Variants in SCAPER observed in about 807,000 individuals in gnomAD.
SCAPER encodes S phase cyclin A-associated protein in the endoplasmic reticulum.
A neutral mutation model predicts 182.2 loss-of-function variants in SCAPER; 98 were observed. The observed-to-expected ratio is 0.54, with a 90% CI of 0.46 to 0.64. The LOEUF (loss-of-function observed/expected upper bound fraction) is 0.64, where lower values mean the gene tolerates loss of function less well. SCAPER is among the 30% of genes least tolerant of loss of function. SCAPER has a pLI of 0.00. For synonymous variants in SCAPER, 605 were observed against 564.6 expected (o/e 1.07, Z -1.01); for missense variants, 1,432 against 1,690.0 (o/e 0.85, Z 2.68).
At chr15:76,650,773 A>C (rs2054968799) in intron 21 of SCAPER, among the ~76,000 whole-genome samples, 1 of 152,138 alleles carries the variant, frequency 6.6e-6, no homozygotes, top group African/African-American at 2.4e-5. Flanking sequence ...GTTGCTGAGA[A>C]ATACAACAAA....
chr15:76,822,906 T>TA (rs920957525), intron 5 of SCAPER, among the ~76,000 whole-genome samples: 28 of 152,310 alleles, frequency 1.8e-4, no homozygotes, highest in Admixed American at 1.4e-3. Flanking sequence ...TAATTGCATT[T>TA]AAAAAACTTT....
intron 21 of SCAPER, among the ~76,000 whole-genome samples, chr15:76,660,532 C>A (rs1310922414): frequency 2.0e-5 from 3 of 152,090 alleles, no homozygotes; most frequent in Non-Finnish European, 2.9e-5. Flanking sequence ...TCTATGGGAA[C>A]ATGGAACATA....
rs1181730854 is a variant in SCAPER, at chr15:76,707,879, A to C, written c.2166-1895T>G. 2.0e-5 allele frequency among the ~76,000 whole-genome samples: 3 copies of C among 152,326 alleles called. No homozygotes were observed. The East Asian group carries it at 5.8e-4, about 29-fold the overall frequency. On this transcript the variant is annotated intron_variant, in intron 17 of 31. Transcript: ENST00000563290. ...TAGCTCAATAAATGTAAAAGCAATA[A>C]AATCATACAAAGTACATTCTTCAAC...
intron 17 of SCAPER, among the ~76,000 whole-genome samples, chr15:76,719,512 T>C (rs890664962): frequency 4.1e-4 from 63 of 152,086 alleles, no homozygotes; most frequent in Non-Finnish European, 6.2e-4. Context: ...AATTGTACAG[T>C]ACTGGGATTT....
chr15:76,409,163 G>C (rs1365550089), intron 26 of SCAPER, among the ~76,000 whole-genome samples: 1 of 152,168 alleles, frequency 6.6e-6, no homozygotes, highest in Non-Finnish European at 1.5e-5. Flanking sequence ...GGTCAGTGTA[G>C]AGAAATTCAT....
intron 27 of SCAPER, among the ~76,000 whole-genome samples, chr15:76,385,898 G>A (rs1223979045): frequency 6.6e-6 from 1 of 152,178 alleles, no homozygotes; most frequent in African/African-American, 2.4e-5. Context: ...CAGGCTAGTG[G>A]CTCAAACAAT....
At chr15:76,879,270 T>C (rs181384247) in intron 2 of SCAPER, among the ~76,000 whole-genome samples, 1 of 152,318 alleles carries the variant, frequency 6.6e-6, no homozygotes, top group East Asian at 1.9e-4. Context: ...TAGCATTCAT[T>C]CTCTACATCC....
chr15:76,660,222 A>G (rs2056017829), intron 21 of SCAPER, among the ~76,000 whole-genome samples: 1 of 152,178 alleles, frequency 6.6e-6, no homozygotes, highest in African/African-American at 2.4e-5. Flanking sequence ...AACATCAGAC[A>G]CTGGGGCCTA....
At chr15:76,788,020 C>A (rs1406763225) in intron 8 of SCAPER, among the ~76,000 whole-genome samples, 1 of 152,088 alleles carries the variant, frequency 6.6e-6, no homozygotes, top group Non-Finnish European at 1.5e-5. Context: ...AGAAAATAGG[C>A]AAAGACATGA....
chr15:76,676,787 T>C (rs183759921), intron 20 of SCAPER, among the ~76,000 whole-genome samples: 2 of 151,556 alleles, frequency 1.3e-5, no homozygotes, highest in African/African-American at 2.4e-5. Context: ...GAGTTTTATA[T>C]ATTTGGGCAT....
rs111737544 is a variant in SCAPER at position 76,661,883 on chromosome 15, T to C, written c.2645+3770A>G. On this transcript the variant is annotated intron_variant, in intron 21 of 31. Coordinates refer to ENST00000563290, the MANE Select transcript of SCAPER (RefSeq NM_020843.4). Reference sequence around the variant, plus strand: ...TGTATTATAAAGATACATGGACACTTATGTTTGTTGCAGCACTATTCACAA... The same window carrying C: ...TGTATTATAAAGATACATGGACACTCATGTTTGTTGCAGCACTATTCACAA... Among the ~76,000 whole-genome samples, 313 of 152,312 alleles carry C rather than the reference T, an allele frequency of 2.1e-3. 3 individuals carry two copies. The highest frequency in any genetic ancestry group is 6.6e-3 in the African/African-American group (274 of 41,564).
intron 20 of SCAPER, among the ~76,000 whole-genome samples, chr15:76,666,892 T>A (rs750664477): frequency 6.6e-6 from 1 of 152,214 alleles, no homozygotes; most frequent in Non-Finnish European, 1.5e-5. Context: ...CACCTGTTCC[T>A]ATCTAAGAGC....
chr15:76,882,083 T>A (rs2073578196), intron 2 of SCAPER, among the ~76,000 whole-genome samples: 1 of 151,678 alleles, frequency 6.6e-6, no homozygotes, highest in African/African-American at 2.4e-5. Flanking sequence ...CTGAGGACAG[T>A]GGAATCTCTT....
At chr15:76,481,284 TAA>T (rs969831794) in intron 24 of SCAPER, among the ~76,000 whole-genome samples, 9 of 152,210 alleles carry the variant, frequency 5.9e-5, no homozygotes, top group African/African-American at 1.9e-4. Flanking sequence ...TTAAAACTTA[TAA>T]AAGTTATTTT....
intron 1 of SCAPER, among the ~76,000 whole-genome samples, chr15:76,902,456 C>T (rs2074839386): frequency 6.6e-6 from 1 of 152,172 alleles, no homozygotes; most frequent in Non-Finnish European, 1.5e-5. Flanking sequence ...TGTAACAAAT[C>T]TACACATGTA....
rs1395247985 is a variant in SCAPER, at chr15:76,595,859, C to G, written c.2712-21575G>C. On this transcript the variant is annotated intron_variant, in intron 22 of 31. Transcript: ENST00000563290. ...AGCACTAAATGCCCACAGGAGAAAG[C>G]AGGAAAGATCTAAAATCAACACCCT... Among the ~76,000 whole-genome samples the G allele has an allele frequency of 3.3e-5, 4 of 121,712 alleles. 2 individuals are homozygous for G. The highest frequency in any genetic ancestry group is 8.0e-5 in the Non-Finnish European group (4 of 50,070). The allele number at this position is 121,712 out of a possible 152,430, so 79.8% of individuals were successfully genotyped here. A position where few individuals can be genotyped will look rare whatever the true frequency, so the allele number is the denominator to read the frequency against.
At chr15:76,380,299 A>G (rs1324791525) in intron 28 of SCAPER, 1 of 152,178 alleles carries the variant, frequency 6.6e-6, no homozygotes, top group African/African-American at 2.4e-5. Flanking sequence ...TCCTAAGGCT[A>G]GTTCAACTGC....
At chr15:76,468,886 T>C (rs2049904145) in intron 25 of SCAPER, among the ~76,000 whole-genome samples, 1 of 152,118 alleles carries the variant, frequency 6.6e-6, no homozygotes, top group Non-Finnish European at 1.5e-5. Flanking sequence ...GAGAATTAGC[T>C]TGCACTCTTT....
intron 14 of SCAPER, among the ~76,000 whole-genome samples, chr15:76,755,110 A>C (rs2062338348): frequency 6.6e-6 from 1 of 152,208 alleles, no homozygotes; most frequent in Non-Finnish European, 1.5e-5. Flanking sequence ...TGGAGATCAT[A>C]TTTAGATAAA....
Sources: gnomAD v4.1 joint callset for allele counts (sites outside exome capture counted in the v4.1 genomes callset) on GRCh38, gnomAD v4.1.1 for gene constraint, MANE v1.5 for transcripts, NCBI Gene and HGNC (gene_info 2026-07-23, HGNC 2026-07-21) for gene names.